The following CTNNA3 variants were observed in gnomAD, a reference collection of about 807,000 sequenced individuals.
CTNNA3 encodes the protein catenin alpha 3.
CTNNA3 carries 76 observed loss-of-function variants against 95.7 expected under a neutral mutation model. That is an observed-to-expected ratio of 0.79 (90% CI 0.66 to 0.96). The LOEUF (loss-of-function observed/expected upper bound fraction) is 0.96, where lower values mean the gene tolerates loss of function less well. Ranked by LOEUF, CTNNA3 falls within the 40% of genes least tolerant of loss-of-function variation. The pLI is 0.00. For synonymous variants in CTNNA3, 431 were observed against 374.4 expected, an observed-to-expected ratio of 1.15 and a Z score of -1.74; for missense variants, 1,191 against 1,089.8, an observed-to-expected ratio of 1.09 and a Z score of -1.31.
At chr10:67,546,568 T>C (rs1038117562) in intron 3 of CTNNA3, among the ~76,000 whole-genome samples, 1 of 152,122 alleles carries the variant, frequency 6.6e-6, no homozygotes, top group Non-Finnish European at 1.5e-5. Context: ...AACAAAGCAA[T>C]CCATATTGTA....
intron 11 of CTNNA3, among the ~76,000 whole-genome samples, chr10:66,435,693 A>G (rs2093331964): frequency 6.6e-6 from 1 of 151,904 alleles, no homozygotes; most frequent in Non-Finnish European, 1.5e-5. Flanking sequence ...TTCTGCTCTG[A>G]TCTTAGTTAT....
At chr10:67,732,226 T>C (rs1292653478) in intron 1 of CTNNA3, among the ~76,000 whole-genome samples, 1 of 152,162 alleles carries the variant, frequency 6.6e-6, no homozygotes, top group African/African-American at 2.4e-5. Flanking sequence ...GTCGGGCCTT[T>C]TAGTGTGTGA....
At chr10:67,294,658 A>C (rs1241325298) in intron 5 of CTNNA3, among the ~76,000 whole-genome samples, 1 of 152,200 alleles carries the variant, frequency 6.6e-6, no homozygotes, top group African/African-American at 2.4e-5. Context: ...GGAGTTAAAA[A>C]GATTTAAGAC....
intron 1 of CTNNA3, among the ~76,000 whole-genome samples, chr10:67,736,339 GA>G (rs1267202362): frequency 6.6e-6 from 1 of 152,104 alleles, no homozygotes; most frequent in African/African-American, 2.4e-5. Context: ...AAAAGTTCTG[GA>G]AATGGGTAGT....
At chr10:67,212,826 GCTAAA>G (rs1251073856) in intron 6 of CTNNA3, among the ~76,000 whole-genome samples, 1 of 151,648 alleles carries the variant, frequency 6.6e-6, no homozygotes, top group African/African-American at 2.4e-5. Flanking sequence ...TTTATCTAGT[GCTAAA>G]CAGTTTATTC....
chr10:67,249,344 C>A (rs1304119856), intron 5 of CTNNA3, among the ~76,000 whole-genome samples: 1 of 152,024 alleles, frequency 6.6e-6, no homozygotes, highest in Non-Finnish European at 1.5e-5. Context: ...GTTCCAGGAC[C>A]CTCATGGAAA....
At chr10:67,075,929 T>C (rs1856724238) in intron 7 of CTNNA3, among the ~76,000 whole-genome samples, 1 of 152,240 alleles carries the variant, frequency 6.6e-6, no homozygotes, top group Admixed American at 6.5e-5. Context: ...GCACAGATGG[T>C]ATTTTACATC....
At chr10:66,954,947 A>G (rs1450123749) in intron 7 of CTNNA3, among the ~76,000 whole-genome samples, 2 of 152,188 alleles carry the variant, frequency 1.3e-5, no homozygotes, top group Non-Finnish European at 2.9e-5. Flanking sequence ...AACGGAAGTA[A>G]TAAGCTCAGA....
At chr10:67,750,437 G>C (rs1841400652) in intron 1 of CTNNA3, 10 of 1,490,334 alleles carry the variant, frequency 6.7e-6, no homozygotes, top group Middle Eastern at 1.7e-4. Flanking sequence ...CTATCAGAAT[G>C]AACATGAGGT....
At chr10:67,380,305 A>G (rs1210130506) in intron 5 of CTNNA3, among the ~76,000 whole-genome samples, 1 of 152,194 alleles carries the variant, frequency 6.6e-6, no homozygotes, top group African/African-American at 2.4e-5. Context: ...AATTCTGAAA[A>G]AAGAGAACAT....
At position 65,913,191 on chromosome 10, in the gene CTNNA3, T is replaced by C. The variant is rs1317994152; in HGVS notation, c.*7139A>G. Reference sequence around the variant, plus strand: ...TACATTTAAGCTGTCAAAGTTGTTGTTGTAATACGACATAAAGTAAATGAT... The same window carrying C: ...TACATTTAAGCTGTCAAAGTTGTTGCTGTAATACGACATAAAGTAAATGAT... On this transcript the variant is annotated 3_prime_UTR_variant, in exon 18 of 18. Coordinates refer to ENST00000433211, the MANE Select transcript of CTNNA3 (RefSeq NM_013266.4). The C allele has an allele frequency of 1.3e-5, 2 of 152,162 alleles. No homozygotes were observed. The highest frequency in any genetic ancestry group is 4.8e-5 in the African/African-American group (2 of 41,444). 9.4% of individuals were successfully genotyped at this position (152,162 alleles called of 1,614,324 possible). A position where few individuals can be genotyped will look rare whatever the true frequency, so the allele number is the denominator to read the frequency against.
intron 11 of CTNNA3, among the ~76,000 whole-genome samples, chr10:66,506,080 A>G (rs1472180350): frequency 6.6e-6 from 1 of 152,116 alleles, no homozygotes. Context: ...TTACTTGGTA[A>G]GGGAGGAAGC....
At position 67,125,078 on chromosome 10, in the gene CTNNA3, A is replaced by G. The variant is rs115831411; in HGVS notation, c.1047+55239T>C. ...CAAGTTAAGTTATGAGCTACAGAAG[A>G]AAATATTGATTCTTGCTTTTACCTG... is the stretch of plus-strand genomic sequence containing the variant. On this transcript the variant is annotated intron_variant, in intron 7 of 17. Transcript: ENST00000433211. 8.1e-3 allele frequency among the ~76,000 whole-genome samples: 1,236 copies of G among 152,340 alleles called. 24 individuals carry two copies. Among genetic ancestry groups the G allele is most frequent in the African/African-American group, 0.028 (1,176 of 41,582 alleles).
intron 11 of CTNNA3, among the ~76,000 whole-genome samples, chr10:66,460,929 T>C (rs561454553): frequency 6.6e-6 from 1 of 152,270 alleles, no homozygotes; most frequent in South Asian, 2.1e-4. Context: ...GCTTAAAACA[T>C]TATTCTTGTA....
At chr10:67,173,747 T>C (rs990743729) in intron 7 of CTNNA3, among the ~76,000 whole-genome samples, 2 of 152,224 alleles carry the variant, frequency 1.3e-5, no homozygotes, top group Non-Finnish European at 2.9e-5. Context: ...TTTTATTTTA[T>C]GTAACAAACA....
chr10:67,633,823 G>T (rs1215771230), intron 2 of CTNNA3, among the ~76,000 whole-genome samples: 1 of 152,100 alleles, frequency 6.6e-6, no homozygotes, highest in African/African-American at 2.4e-5. Context: ...AGAACTACAG[G>T]AATACATAAA....
chr10:66,805,213 C>G (rs965180925), intron 7 of CTNNA3, among the ~76,000 whole-genome samples: 2 of 151,936 alleles, frequency 1.3e-5, no homozygotes, highest in Admixed American at 6.6e-5. Context: ...TCACTTTCAT[C>G]TTTTCCCTTT....
intron 12 of CTNNA3, among the ~76,000 whole-genome samples, chr10:66,345,688 A>T (rs2092501980): frequency 6.6e-6 from 1 of 152,124 alleles, no homozygotes; most frequent in Non-Finnish European, 1.5e-5. Flanking sequence ...TTCATGATAT[A>T]GCAAAATAAT....
At chr10:66,853,922 T>C (rs1393450788) in intron 7 of CTNNA3, among the ~76,000 whole-genome samples, 1 of 152,116 alleles carries the variant, frequency 6.6e-6, no homozygotes, top group East Asian at 1.9e-4. Flanking sequence ...ATGCACTGAA[T>C]GTGCAATTGT....
Sources: allele counts gnomAD v4.1 joint callset (sites outside exome capture counted in the v4.1 genomes callset), GRCh38; gene constraint gnomAD v4.1.1; transcripts MANE v1.5; gene names NCBI Gene and HGNC (gene_info 2026-07-23, HGNC 2026-07-21).